Variants in TMEM132B observed in about 807,000 individuals in gnomAD.
TMEM132B encodes the protein transmembrane protein 132B.
A neutral mutation model predicts 90.8 loss-of-function variants in TMEM132B; 18 were observed. That is an observed-to-expected ratio of 0.20 (90% CI 0.14 to 0.29). TMEM132B has a LOEUF of 0.29. Among genes scored for constraint, TMEM132B ranks in the 10% least tolerant of loss-of-function variants. The probability of loss-of-function intolerance (pLI) is 1.00; values close to 1 mark genes in which losing one functional copy is unlikely to be tolerated. For missense variants in TMEM132B, 1,096 were observed against 1,326.8 expected (o/e 0.83, Z 2.70); for synonymous variants, 504 against 523.3 (o/e 0.96, Z 0.50).
chr12:125,238,442 A>G (rs1873991887), intron 1 of TMEM132B, among the ~76,000 whole-genome samples: 1 of 150,294 alleles, frequency 6.7e-6, no homozygotes, highest in South Asian at 2.1e-4. Flanking sequence ...TGCTGCGTGT[A>G]ATTTGGTTTT....
intron 1 of TMEM132B, among the ~76,000 whole-genome samples, chr12:125,191,095 TG>T (rs1177873296): frequency 3.5e-5 from 1 of 28,514 alleles, no homozygotes; most frequent in Admixed American, 4.2e-4. Flanking sequence ...GGGGTGGCGA[TG>T]GTGATGGGGA....
chr12:125,513,473 T>C (rs1400202883), intron 3 of TMEM132B, among the ~76,000 whole-genome samples: 1 of 152,136 alleles, frequency 6.6e-6, no homozygotes, highest in Non-Finnish European at 1.5e-5. Context: ...GGGTTGGAAT[T>C]GTGGAGATGA....
Position 125,522,292 on chromosome 12 carries a change from G to T in TMEM132B, c.1293+2667G>T, listed in dbSNP as rs1168403084. Among the ~76,000 whole-genome samples, 3 of 152,244 alleles carry T rather than the reference G, an allele frequency of 2.0e-5. No individual in the cohort carries two copies. The East Asian group carries it at 5.8e-4, about 29-fold the overall frequency. ...TTTGTGTCCTGTCTGTCTCAGTCTA[G>T]GTCCAGCCATAAGAAAGAATGTGAA... On this transcript the variant is annotated intron_variant, in intron 4 of 8. Transcript: ENST00000682704.
intron 2 of TMEM132B, among the ~76,000 whole-genome samples, chr12:125,362,329 A>G (rs326404): frequency 0.031 from 4,663 of 152,218 alleles, 242 homozygotes; most frequent in African/African-American, 0.11. Flanking sequence ...CTCTCCTTGT[A>G]CTTACATTTT....
chr12:125,320,509 G>C (rs1196761091), intron 1 of TMEM132B, among the ~76,000 whole-genome samples: 1 of 152,164 alleles, frequency 6.6e-6, no homozygotes, highest in East Asian at 1.9e-4. Flanking sequence ...TGTTGCGCTG[G>C]AGAGGACATT....
chr12:125,397,717 T>C (rs187070637), intron 2 of TMEM132B, among the ~76,000 whole-genome samples: 159 of 152,310 alleles, frequency 1.0e-3, no homozygotes, highest in Middle Eastern at 0.01. Flanking sequence ...ACTTTCTGCA[T>C]TGGGGAACCT....
intron 1 of TMEM132B, among the ~76,000 whole-genome samples, chr12:125,332,927 G>A (rs887079617): frequency 6.6e-6 from 1 of 152,194 alleles, no homozygotes; most frequent in Non-Finnish European, 1.5e-5. Context: ...AGACTAGCCA[G>A]GATGAATGAT....
At chr12:125,195,655 C>T (rs1301844313) in intron 1 of TMEM132B, among the ~76,000 whole-genome samples, 1 of 152,116 alleles carries the variant, frequency 6.6e-6, no homozygotes, top group African/African-American at 2.4e-5. Flanking sequence ...CCACCTTGGC[C>T]TCCCAAATTG....
rs1175418942 is a variant in TMEM132B, at chr12:125,460,307, A to G, written c.1106+44630A>G. Among the ~76,000 whole-genome samples, 2 of 152,114 alleles carry G rather than the reference A, an allele frequency of 1.3e-5. No homozygotes were observed. Among genetic ancestry groups the G allele is most frequent in the Admixed American group, 1.3e-4 (2 of 15,280 alleles). ...GGAGTTTGAGACCAGCCTGCCCAAC[A>G]TGGTGAAACCCCATCTCTACTGAAA... On this transcript the variant is annotated intron_variant, in intron 3 of 8. Coordinates refer to ENST00000682704, the MANE Select transcript of TMEM132B (RefSeq NM_001366854.1). This position sits in a 1 kb window ranked among gnomAD's most constrained non-coding sequence, Gnocchi z 4.4.
At chr12:125,347,583 C>T (rs1183188157) in intron 1 of TMEM132B, among the ~76,000 whole-genome samples, 2 of 152,180 alleles carry the variant, frequency 1.3e-5, no homozygotes, top group Admixed American at 1.3e-4. Context: ...AATACGCCAC[C>T]AGGAGCCAGA....
In TMEM132B at chr12:125,246,724, G is replaced by A. The variant is rs1332677634; in HGVS notation, c.67+59858G>A. ...TGTGAAGTGCTTTGATTCTTAAATCGGAGCCGGCTTTCAGGCACCTATCTT... is the reference window on the plus strand; with the variant it reads ...TGTGAAGTGCTTTGATTCTTAAATCAGAGCCGGCTTTCAGGCACCTATCTT... On this transcript the variant is annotated intron_variant, in intron 1 of 8. Transcript: ENST00000682704. The surrounding 1 kb of genome is among the most constrained non-coding windows in gnomAD (Gnocchi z 4.2). Among the ~76,000 whole-genome samples, 4 of 152,272 alleles carry A rather than the reference G, an allele frequency of 2.6e-5. No individual in the cohort carries two copies. The highest frequency in any genetic ancestry group is 9.6e-5 in the African/African-American group (4 of 41,568).
In TMEM132B at chr12:125,460,226, C is replaced by T. The variant is rs1158880283; in HGVS notation, c.1106+44549C>T. Among the ~76,000 whole-genome samples, 2 of 152,174 alleles carry T rather than the reference C, an allele frequency of 1.3e-5. No individual in the cohort carries two copies. Among genetic ancestry groups the T allele is most frequent in the Non-Finnish European group, 2.9e-5 (2 of 68,040 alleles). On this transcript the variant is annotated intron_variant, in intron 3 of 8. Coordinates refer to ENST00000682704, the MANE Select transcript of TMEM132B (RefSeq NM_001366854.1). The surrounding 1 kb of genome is among the most constrained non-coding windows in gnomAD (Gnocchi z 4.4). ...ATAAAGCTGGCAGGGCACGGTGGCT[C>T]ACGCCTGTAATCCCAGCACTTTGGG... is the stretch of plus-strand genomic sequence containing the variant.
intron 1 of TMEM132B, among the ~76,000 whole-genome samples, chr12:125,323,297 G>A (rs539992274): frequency 2.6e-5 from 4 of 152,248 alleles, no homozygotes; most frequent in East Asian, 1.9e-4. Flanking sequence ...TTAGCCGGGC[G>A]TGGTGGCAGG....
chr12:125,652,727 C>T (rs1288014646), intron 8 of TMEM132B, 95 bp downstream of exon 8: 12 of 1,394,360 alleles, frequency 8.6e-6, no homozygotes, highest in Non-Finnish European at 1.1e-5. Context: ...AGCCCTCACG[C>T]CTAGGACTGG....
intron 1 of TMEM132B, among the ~76,000 whole-genome samples, chr12:125,304,247 G>A (rs908313290): frequency 3.3e-5 from 5 of 152,228 alleles, no homozygotes; most frequent in African/African-American, 4.8e-5. Flanking sequence ...ATGAAGCTTC[G>A]CTTGCCCACT....
At chr12:125,627,272 A>G (rs73220955) in intron 5 of TMEM132B, among the ~76,000 whole-genome samples, 3,084 of 152,188 alleles carry the variant, frequency 0.02, 57 homozygotes, top group South Asian at 0.041. Flanking sequence ...AGTCCAAACA[A>G]CTGAATCATA....
chr12:125,186,769 C>T lies in TMEM132B; in HGVS notation c.-31C>T, dbSNP rs1478650894. 2 of 148,356 alleles carry T rather than the reference C, an allele frequency of 1.3e-5. No individual in the cohort carries two copies. Among genetic ancestry groups the T allele is most frequent in the Non-Finnish European group, 3.0e-5 (2 of 66,668 alleles). 9.2% of individuals were successfully genotyped at this position (148,356 alleles called of 1,614,324 possible). A position where few individuals can be genotyped will look rare whatever the true frequency, so the allele number is the denominator to read the frequency against. On this transcript the variant is annotated 5_prime_UTR_variant, in exon 1 of 9. Coordinates refer to ENST00000682704, the MANE Select transcript of TMEM132B (RefSeq NM_001366854.1). This position sits in a 1 kb window ranked among gnomAD's most constrained non-coding sequence, Gnocchi z 6.3. ...GGGCCGGGCGCGCGAGAGGAGCAGC[C>T]CCGCGCCGCACCCACCGCGCGCCGA...
At chr12:125,543,233 T>G (rs114153096) in intron 4 of TMEM132B, among the ~76,000 whole-genome samples, 1 of 152,184 alleles carries the variant, frequency 6.6e-6, no homozygotes, top group Admixed American at 6.5e-5. Flanking sequence ...GATAATGCAG[T>G]CATCCCTCCC....
At chr12:125,352,891 T>C (rs1167306642) in intron 2 of TMEM132B, among the ~76,000 whole-genome samples, 1 of 152,216 alleles carries the variant, frequency 6.6e-6, no homozygotes. Flanking sequence ...AAGATTCTAT[T>C]TGGAGCCTCT....
Sources: allele counts gnomAD v4.1 joint callset (sites outside exome capture counted in the v4.1 genomes callset), GRCh38; gene constraint gnomAD v4.1.1; non-coding constraint Gnocchi (gnomAD v3.1); transcripts MANE v1.5; gene names NCBI Gene and HGNC (gene_info 2026-07-23, HGNC 2026-07-21).